Variants in TSC2 observed in about 807,000 individuals in gnomAD.
The protein encoded by TSC2 is TSC complex subunit 2, also known as tuberin.
TSC2 carries 29 observed loss-of-function variants against 202.2 expected under a neutral mutation model. The ratio of observed to expected loss-of-function variants is 0.14; its 90% CI spans 0.11 to 0.20. The LOEUF is 0.20. Among genes scored for constraint, TSC2 ranks in the 10% least tolerant of loss-of-function variants. TSC2 has a pLI of 1.00. For synonymous variants in TSC2, 1,349 were observed against 1,044.0 expected (o/e 1.29, Z -5.63); for missense variants, 2,429 against 2,420.0 (o/e 1.00, Z -0.08).
At chr16:2,055,576 G>C in intron 6 of TSC2, 57 bp downstream of exon 6, 1 of 1,520,572 alleles carries the variant, frequency 6.6e-7, no homozygotes. Flanking sequence ...GCTCCGCAGT[G>C]AATAAAGTTG....
At position 2,060,748 on chromosome 16, in the gene TSC2, G is replaced by A. The variant is rs1596298442; in HGVS notation, c.1054G>A (p.Glu352Lys). Residue 352 changes from glutamate (E) to lysine (K), a missense_variant, in exon 11 of 42, where the codon GAG becomes AAG. Transcript: ENST00000219476. ...CAGGCTCATCAAGAAGTATAGGAAG[G>A]AGCTCCAGGTGGTGGCGTGGGACAT... ...ITRLIKKYRK[E>K]LQVVAWDILL... is the part of the protein sequence containing the mutation. The A allele has an allele frequency of 6.2e-7, 1 of 1,614,148 alleles. No individual in the cohort carries two copies. Among genetic ancestry groups the A allele is most frequent in the South Asian group, 1.1e-5 (1 of 91,076 alleles).
chr16:2,063,525 T>G, intron 14 of TSC2: 1 of 273,046 alleles, frequency 3.7e-6, no homozygotes, highest in East Asian at 9.8e-5. Flanking sequence ...GAGAGACATT[T>G]GTGTGCCTGC....
At chr16:2,053,631 C>A in intron 4 of TSC2, 179 bp downstream of exon 4, 1 of 706,574 alleles carries the variant, frequency 1.4e-6, no homozygotes. Context: ...GTCTGTGTGA[C>A]CGTAGGCACT....
At position 2,081,757 on chromosome 16, in the gene TSC2, C is replaced by G. The variant is rs1060500958; in HGVS notation, c.3773C>G (p.Ala1258Gly). ...ALYKSLSVPA[A>G]STAKPPPLPR... is the part of the protein sequence containing the mutation. ...TACAAGTCACTGTCGGTGCCGGCAG[C>G]CAGCACGGCCAAACCCCCTCCTCTG... is the stretch of plus-strand genomic sequence containing the variant. Residue 1258 changes from alanine to glycine, a missense_variant, in exon 31 of 42, where the codon GCC (alanine) becomes GGC (glycine). Physicochemically the swap from Ala to Gly is moderately conservative, Grantham distance 60. Transcript: ENST00000219476. 1.2e-6 allele frequency: 2 copies of G among 1,612,776 alleles called. No homozygotes were observed. The highest frequency in any genetic ancestry group is 3.3e-5 in the Admixed American group (2 of 60,026).
chr16:2,053,873 C>A (rs187262605), intron 4 of TSC2: 16 of 471,614 alleles, frequency 3.4e-5, no homozygotes, highest in African/African-American at 2.5e-4. Flanking sequence ...TCCTGCCTCC[C>A]CTGGTCGGCC....
At position 2,075,726 on chromosome 16, in the gene TSC2, G is replaced by A. The variant is rs1313269569; in HGVS notation, c.2546-73G>A. On this transcript the variant is annotated intron_variant, in intron 22 of 41. Transcript: ENST00000219476. ...CAGCACCCCATCGCTGCCGTGGGCAGAGCAGCCGTGTTGGCCTTCAGAGGC... is the reference window on the plus strand; with the variant it reads ...CAGCACCCCATCGCTGCCGTGGGCAAAGCAGCCGTGTTGGCCTTCAGAGGC... 32 of 1,515,444 alleles carry A rather than the reference G, an allele frequency of 2.1e-5. No homozygotes were observed. In the South Asian group the frequency reaches 3.4e-4, roughly 16 times the overall value. The allele number at this position is 1,515,444 out of a possible 1,614,324, so 93.9% of individuals were successfully genotyped here.
At chr16:2,069,466 C>G (rs939530121) in intron 16 of TSC2, among the ~76,000 whole-genome samples, 4 of 151,128 alleles carry the variant, frequency 2.6e-5, no homozygotes, top group Non-Finnish European at 2.9e-5. Flanking sequence ...TACAGGCATG[C>G]ACCACCACAC....
intron 30 of TSC2, 83 bp downstream of exon 30, chr16:2,080,460 G>C: frequency 6.6e-7 from 1 of 1,514,338 alleles, no homozygotes; most frequent in Non-Finnish European, 9.0e-7. Context: ...TTGCAGACTT[G>C]GCCCTCTTGG....
At position 2,088,803 on chromosome 16, in the gene TSC2, T is replaced by TACACAGAAGCAGGC; in HGVS notation, c.*197_*210dup. 1 of 754,198 alleles carries TACACAGAAGCAGGC rather than the reference T, an allele frequency of 1.3e-6. No homozygotes were observed. The highest frequency in any genetic ancestry group is 1.8e-5 in the South Asian group (1 of 54,116). 46.7% of individuals were successfully genotyped at this position (754,198 alleles called of 1,614,324 possible). A position where few individuals can be genotyped will look rare whatever the true frequency, so the allele number is the denominator to read the frequency against. On this transcript the variant is annotated 3_prime_UTR_variant, in exon 42 of 42. Transcript: ENST00000219476. ...GAAGCGGCCATGCCCACAGAAGTGG[T>TACACAGAAGCAGGC]ACACAGAAGCAGGCACAGCCAGCTC...
chr16:2,085,497 C>T (rs151210690), intron 36 of TSC2, among the ~76,000 whole-genome samples, 175 bp downstream of exon 36: 85 of 152,308 alleles, frequency 5.6e-4, no homozygotes, highest in South Asian at 1.7e-3. Flanking sequence ...CTGGGGACCC[C>T]GGTGCGAGTG....
chr16:2,087,912 G>A lies in TSC2; in HGVS notation c.5039G>A (p.Cys1680Tyr), dbSNP rs150558493. Residue 1680 changes from cysteine (C) to tyrosine (Y), a missense_variant, in exon 39 of 42, where the codon TGC becomes TAC. Transcript: ENST00000219476. ...HVIVTPLDYE[C>Y]NLVSLQCRKD... is the part of the protein sequence containing the mutation. ...ATCGTCACCCCGCTGGACTACGAGT[G>A]CAACCTGGTGTCCCTGCAGTGCAGG... The A allele has an allele frequency of 4.3e-6, 7 of 1,612,920 alleles. No homozygotes were observed. The African/African-American group carries it at 5.3e-5, about 12-fold the overall frequency.
intron 22 of TSC2, chr16:2,075,266 G>A (rs1359928358): frequency 1.1e-4 from 17 of 159,430 alleles, no homozygotes; most frequent in African/African-American, 2.5e-5. Context: ...GGTGGCTCAC[G>A]CCTGTAATCC....
intron 20 of TSC2, 52 bp from the exon 21 acceptor site, chr16:2,072,797 C>A (rs537791451): frequency 1.9e-6 from 3 of 1,612,378 alleles, no homozygotes; most frequent in African/African-American, 2.7e-5. Flanking sequence ...CCTCTGGCTA[C>A]CCCGTGACCT....
chr16:2,069,202 A>C (rs76258094), intron 16 of TSC2, among the ~76,000 whole-genome samples: 7,510 of 152,294 alleles, frequency 0.049, 642 homozygotes, highest in African/African-American at 0.17. Context: ...TGGCCTTCCC[A>C]GAATGGGGGG....
At chr16:2,069,431 C>T (rs2087881693) in intron 16 of TSC2, among the ~76,000 whole-genome samples, 1 of 152,066 alleles carries the variant, frequency 6.6e-6, no homozygotes, top group Non-Finnish European at 1.5e-5. Context: ...ATTCTCCTGC[C>T]TCAGTCTCCT....
chr16:2,062,717 G>T, intron 13 of TSC2, 117 bp downstream of exon 13: 1 of 1,172,052 alleles, frequency 8.5e-7, no homozygotes, highest in South Asian at 1.3e-5. Flanking sequence ...CTCTGCCTCT[G>T]GAGAGCCCTG....
In TSC2 at chr16:2,079,784, C is replaced by A. The variant is rs534471812; in HGVS notation, c.3397+115C>A. Reference sequence around the variant, plus strand: ...GGGCCGGGGTGGCTGGCTTCAGGCCCGGCCCACGTCCTGACTCTGGGGTGA... The same window carrying A: ...GGGCCGGGGTGGCTGGCTTCAGGCCAGGCCCACGTCCTGACTCTGGGGTGA... On this transcript the variant is annotated intron_variant, in intron 29 of 41. Coordinates refer to ENST00000219476, the MANE Select transcript of TSC2 (RefSeq NM_000548.5). This position sits in a 1 kb window ranked among gnomAD's most constrained non-coding sequence, Gnocchi z 4.6. 1.9e-6 allele frequency: 2 copies of A among 1,041,868 alleles called. No individual in the cohort carries two copies. Among genetic ancestry groups the A allele is most frequent in the Non-Finnish European group, 2.8e-6 (2 of 726,620 alleles). The allele number at this position is 1,041,868 out of a possible 1,614,324, so 64.5% of individuals were successfully genotyped here. A position where few individuals can be genotyped will look rare whatever the true frequency, so the allele number is the denominator to read the frequency against.
chr16:2,062,689 G>A (rs969992245), intron 13 of TSC2, 89 bp downstream of exon 13: 8 of 1,340,140 alleles, frequency 6.0e-6, no homozygotes, highest in African/African-American at 2.9e-5. Context: ...CAGGATGCCC[G>A]ATGAGCAGGG....
chr16:2,088,298 C>G lies in TSC2; in HGVS notation c.5232C>G (p.Leu1744=), dbSNP rs772865175. 3 of 1,612,636 alleles carry G rather than the reference C, an allele frequency of 1.9e-6. No individual in the cohort carries two copies. The highest frequency in any genetic ancestry group is 2.5e-6 in the Non-Finnish European group (3 of 1,179,940). Residue 1744 remains leucine, a synonymous_variant, in exon 41 of 42, where the codon CTC becomes CTG. Transcript: ENST00000219476. ...DIYPSKWIAR[L]RHIKRLRQRI... ...ACCCCTCCAAGTGGATTGCCCGGCT[C>G]CGCCACATCAAGCGGCTCCGCCAGC...
Sources: allele counts gnomAD v4.1 joint callset (sites outside exome capture counted in the v4.1 genomes callset), GRCh38; gene constraint gnomAD v4.1.1; non-coding constraint Gnocchi (gnomAD v3.1); transcripts MANE v1.5; gene names NCBI Gene and HGNC (gene_info 2026-07-23, HGNC 2026-07-21).